Variants in EPHB2 observed in about 807,000 individuals in gnomAD.
EPHB2 encodes the protein EPH receptor B2.
A neutral mutation model predicts 96.4 loss-of-function variants in EPHB2; 18 were observed. The observed-to-expected ratio is 0.19, with a 90% CI of 0.13 to 0.28. The LOEUF is 0.28. EPHB2 is among the 10% of genes least tolerant of loss of function. The probability of loss-of-function intolerance (pLI) is 1.00; values close to 1 mark genes in which losing one functional copy is unlikely to be tolerated. For missense variants in EPHB2, 989 were observed against 1,355.4 expected (o/e 0.73, Z 4.25); for synonymous variants, 506 against 534.1 (o/e 0.95, Z 0.72).
At chr1:22,851,278 G>T (rs1645622107) in intron 3 of EPHB2, among the ~76,000 whole-genome samples, 1 of 152,230 alleles carries the variant, frequency 6.6e-6, no homozygotes. Context: ...GATTACAGGT[G>T]TGAGCCACCG....
At chr1:22,782,041 T>G (rs954618624) in intron 2 of EPHB2, among the ~76,000 whole-genome samples, 5 of 152,088 alleles carry the variant, frequency 3.3e-5, no homozygotes, top group African/African-American at 4.8e-5. Context: ...CCTTTGGTTC[T>G]TATCATCCTA....
At chr1:22,843,058 T>C (rs1270825719) in intron 3 of EPHB2, among the ~76,000 whole-genome samples, 1 of 152,162 alleles carries the variant, frequency 6.6e-6, no homozygotes, top group Non-Finnish European at 1.5e-5. Flanking sequence ...ATCTGAGCAA[T>C]TAGAACACAT....
Position 22,915,193 on chromosome 1 carries a change from C to T in EPHB2, c.*1623C>T, listed in dbSNP as rs1417195718. 1 of 152,276 alleles carries T rather than the reference C, an allele frequency of 6.6e-6. No individual in the cohort carries two copies. Among genetic ancestry groups the T allele is most frequent in the Non-Finnish European group, 1.5e-5 (1 of 68,042 alleles). 9.4% of individuals were successfully genotyped at this position (152,276 alleles called of 1,614,324 possible). ...TTCCCCCCACCAGACCTTTGCTGGG[C>T]CTAAAGGTCTTGGCCATGGGGACGC... On this transcript the variant is annotated 3_prime_UTR_variant, in exon 16 of 16. Coordinates refer to ENST00000374630, the MANE Select transcript of EPHB2 (RefSeq NM_017449.5).
intron 3 of EPHB2, among the ~76,000 whole-genome samples, chr1:22,786,911 G>A (rs545966008): frequency 9.8e-5 from 15 of 152,322 alleles, no homozygotes; most frequent in East Asian, 9.6e-4. Flanking sequence ...TTGGTTTTAC[G>A]TCCTTGGGTA....
At chr1:22,911,143 A>AAAAT (rs59316223) in intron 14 of EPHB2, among the ~76,000 whole-genome samples, 7,131 of 133,752 alleles carry the variant, frequency 0.053, 184 homozygotes, top group Middle Eastern at 0.083. Context: ...TCCATCTAAA[A>AAAAT]AAATAAATAA....
chr1:22,740,133 G>T (rs1435158977), intron 1 of EPHB2, among the ~76,000 whole-genome samples: 1 of 152,150 alleles, frequency 6.6e-6, no homozygotes, highest in Non-Finnish European at 1.5e-5. Context: ...GAGGTCCCTG[G>T]TGATCCTGAG....
Position 22,875,185 on chromosome 1 carries a change from G to T in EPHB2, c.1304-7174G>T, listed in dbSNP as rs991190116. Among the ~76,000 whole-genome samples the T allele has an allele frequency of 2.6e-5, 4 of 152,346 alleles. No homozygotes were observed. In the South Asian group the frequency reaches 8.3e-4, roughly 32 times the overall value. The stretch of plus-strand genomic sequence containing the variant: ...AAGTTTTATTTGCAGAAATTCGGTT[G>T]TGAGAATTATCGTCAGGTCATCCAG... On this transcript the variant is annotated intron_variant, in intron 5 of 15. Coordinates refer to ENST00000374630, the MANE Select transcript of EPHB2 (RefSeq NM_017449.5). This position sits in a 1 kb window ranked among gnomAD's most constrained non-coding sequence, Gnocchi z 4.2.
rs1557755853 is a variant in EPHB2, at chr1:22,913,793, A to T, written c.*223A>T. 4 of 1,605,244 alleles carry T rather than the reference A, an allele frequency of 2.5e-6. No homozygotes were observed. Among genetic ancestry groups the T allele is most frequent in the Non-Finnish European group, 3.4e-6 (4 of 1,173,874 alleles). Reference sequence around the variant, plus strand: ...GGGAAAAAAGAAAACAGATCCTGGGAGGGGGCGGGAAATACAAGGAATATT... The same window carrying T: ...GGGAAAAAAGAAAACAGATCCTGGGTGGGGGCGGGAAATACAAGGAATATT... On this transcript the variant is annotated 3_prime_UTR_variant, in exon 16 of 16. Transcript: ENST00000374630. This position sits in a 1 kb window ranked among gnomAD's most constrained non-coding sequence, Gnocchi z 4.1.
intron 9 of EPHB2, among the ~76,000 whole-genome samples, chr1:22,902,477 A>G (rs1366641637): frequency 6.6e-6 from 1 of 152,232 alleles, no homozygotes; most frequent in African/African-American, 2.4e-5. Flanking sequence ...AGAGCTTCCA[A>G]TACCCCAAAA....
At chr1:22,859,282 G>C (rs2148518704) in intron 3 of EPHB2, among the ~76,000 whole-genome samples, 1 of 147,652 alleles carries the variant, frequency 6.8e-6, no homozygotes, top group South Asian at 2.1e-4. Context: ...AGCCAGGGGT[G>C]TGGGGTGGGC....
At chr1:22,818,725 G>A (rs1645108105) in intron 3 of EPHB2, among the ~76,000 whole-genome samples, 1 of 151,928 alleles carries the variant, frequency 6.6e-6, no homozygotes, top group South Asian at 2.1e-4. Flanking sequence ...TCCCTCCCCT[G>A]CACCGTTCAT....
intron 15 of EPHB2, chr1:22,912,961 G>A (rs911167997): frequency 5.5e-6 from 2 of 363,686 alleles, no homozygotes; most frequent in Non-Finnish European, 1.1e-5. Flanking sequence ...TTGGGAGGCC[G>A]AGGCGGGCAG....
At chr1:22,908,257 G>C in intron 12 of EPHB2, 89 bp downstream of exon 12, 1 of 1,482,112 alleles carries the variant, frequency 6.7e-7, no homozygotes. Context: ...TTTCACTAAC[G>C]CCCAATTGGG....
chr1:22,737,156 C>G (rs1404987329), intron 1 of EPHB2, among the ~76,000 whole-genome samples: 1 of 152,196 alleles, frequency 6.6e-6, no homozygotes, highest in African/African-American at 2.4e-5. Flanking sequence ...CTCACCCTGG[C>G]CATTCAGCTA....
intron 1 of EPHB2, among the ~76,000 whole-genome samples, chr1:22,756,200 A>G (rs563213981): frequency 2.6e-5 from 4 of 152,112 alleles, no homozygotes; most frequent in African/African-American, 9.7e-5. Context: ...ACTTTCTCCC[A>G]CAGGCCCTGG....
rs1640293989 is a variant in EPHB2, at chr1:22,917,308, G to A, written c.*3738G>A. The A allele has an allele frequency of 6.6e-6, 1 of 152,318 alleles. No individual in the cohort carries two copies. The highest frequency in any genetic ancestry group is 2.4e-5 in the African/African-American group (1 of 41,442). The allele number at this position is 152,318 out of a possible 1,614,324, so 9.4% of individuals were successfully genotyped here. On this transcript the variant is annotated 3_prime_UTR_variant, in exon 16 of 16. Transcript: ENST00000374630. ...AATCCTCCTGCCTCACTGAAGCACAGGAAGGACCCAGGCCCCAGACCATCA... is the reference window on the plus strand; with the variant it reads ...AATCCTCCTGCCTCACTGAAGCACAAGAAGGACCCAGGCCCCAGACCATCA...
At chr1:22,890,961 G>C (rs1639370447) in intron 6 of EPHB2, among the ~76,000 whole-genome samples, 1 of 152,192 alleles carries the variant, frequency 6.6e-6, no homozygotes, top group African/African-American at 2.4e-5. Flanking sequence ...TCTTGGGTAT[G>C]TGTGTATAGC....
chr1:22,850,552 C>T (rs775981766), intron 3 of EPHB2, among the ~76,000 whole-genome samples: 2 of 152,202 alleles, frequency 1.3e-5, no homozygotes, highest in African/African-American at 4.8e-5. Context: ...CAAACACATC[C>T]GACTTCCCCT....
intron 6 of EPHB2, 190 bp downstream of exon 6, chr1:22,882,673 G>A: frequency 1.2e-6 from 1 of 810,334 alleles, no homozygotes; most frequent in Non-Finnish European, 1.9e-6. Context: ...ACCTCAGGCA[G>A]GTGCCTTGAC....
Sources: allele counts gnomAD v4.1 joint callset (sites outside exome capture counted in the v4.1 genomes callset), GRCh38; gene constraint gnomAD v4.1.1; non-coding constraint Gnocchi (gnomAD v3.1); transcripts MANE v1.5; gene names NCBI Gene and HGNC (gene_info 2026-07-23, HGNC 2026-07-21).